The following PCTP variants were observed in gnomAD, a reference collection of about 807,000 sequenced individuals.
The protein encoded by PCTP is phosphatidylcholine transfer protein.
A neutral mutation model predicts 31.0 loss-of-function variants in PCTP; 27 were observed. The ratio of observed to expected loss-of-function variants is 0.87; its 90% confidence interval spans 0.64 to 1.20. PCTP has a LOEUF of 1.20. Among genes scored for constraint, PCTP ranks in the 50% most tolerant of loss-of-function variants. The pLI, the probability that PCTP is intolerant of heterozygous loss-of-function variation, is 0.00. For missense variants in PCTP, 287 were observed against 268.2 expected, an observed-to-expected ratio of 1.07 and a Z score of -0.49; for synonymous variants, 108 against 101.2, an observed-to-expected ratio of 1.07 and a Z score of -0.40.
At chr17:55,825,282 G>T (rs1280092072), downstream of PCTP, among the ~76,000 whole-genome samples, 2 of 152,178 alleles carry the variant, frequency 1.3e-5, no homozygotes, top group Non-Finnish European at 2.9e-5. Context: ...AATTTTGTGA[G>T]TCTCTAAGTC....
intron 3 of PCTP, among the ~76,000 whole-genome samples, chr17:55,798,523 A>G (rs1416899300): frequency 6.6e-6 from 1 of 151,998 alleles, no homozygotes; most frequent in Non-Finnish European, 1.5e-5. Flanking sequence ...AAGAATCCTA[A>G]AAGTTACAGC....
chr17:55,803,219 C>T (rs181114195), intron 3 of PCTP, among the ~76,000 whole-genome samples: 3 of 152,208 alleles, frequency 2.0e-5, no homozygotes. Flanking sequence ...AGGACATAAA[C>T]AAATGGAAAA....
At chr17:55,851,722 A>G in the PCTP span, among the ~76,000 whole-genome samples, 2 of 152,188 alleles carry the variant, frequency 1.3e-5, no homozygotes, top group African/African-American at 2.4e-5. Flanking sequence ...TTTTCTGACT[A>G]TGTTTTTAAT....
chr17:55,806,618 A>G (rs978396547), intron 3 of PCTP, among the ~76,000 whole-genome samples: 1 of 152,140 alleles, frequency 6.6e-6, no homozygotes, highest in African/African-American at 2.4e-5. Context: ...AATTCTCTCA[A>G]GTTTCAAGTG....
chr17:55,813,653 G>C (rs1405763757), intron 3 of PCTP, among the ~76,000 whole-genome samples: 1 of 152,158 alleles, frequency 6.6e-6, no homozygotes, highest in African/African-American at 2.4e-5. Flanking sequence ...TCCACTTGTA[G>C]AATACAGCAT....
intron 3 of PCTP, among the ~76,000 whole-genome samples, chr17:55,788,015 A>G (rs1420421577): frequency 3.9e-5 from 6 of 152,154 alleles, no homozygotes; most frequent in Admixed American, 3.3e-4. Context: ...TTTTCTATCA[A>G]TGCTGTCTAA....
downstream of PCTP, among the ~76,000 whole-genome samples, chr17:55,844,900 C>T (rs1906094719): frequency 6.6e-6 from 1 of 151,458 alleles, no homozygotes; most frequent in Admixed American, 6.6e-5. Flanking sequence ...CCAGCCTGAC[C>T]AACATGGTGA....
intron 5 of PCTP, chr17:55,775,395 G>T (rs1911273436): frequency 8.1e-7 from 1 of 1,231,978 alleles, no homozygotes. Flanking sequence ...CTTTGCACAA[G>T]ATCTACTACT....
In PCTP at chr17:55,777,293, A is replaced by G; in HGVS notation, c.*1193A>G. On this transcript the variant is annotated 3_prime_UTR_variant, in exon 6 of 6. Coordinates refer to ENST00000268896, the MANE Select transcript of PCTP (RefSeq NM_021213.4). ...GTAAAGCCACAGAATGGGATTTATTAATGTGGGATACCTCAGACTGTTTGT... is the reference window on the plus strand; with the variant it reads ...GTAAAGCCACAGAATGGGATTTATTGATGTGGGATACCTCAGACTGTTTGT... 1 of 984,440 alleles carries G rather than the reference A, an allele frequency of 1.0e-6. No individual in the cohort carries two copies. The highest frequency in any genetic ancestry group is 1.1e-4 in the East Asian group (1 of 8,810). The allele number at this position is 984,440 out of a possible 1,614,324, so 61.0% of individuals were successfully genotyped here.
chr17:55,822,275 G>A (rs1913138689), intron 3 of PCTP, among the ~76,000 whole-genome samples: 1 of 152,194 alleles, frequency 6.6e-6, no homozygotes, highest in Non-Finnish European at 1.5e-5. Context: ...CAGTAATTAA[G>A]GGGAAAGGGG....
chr17:55,800,104 A>G (rs1171851805), intron 3 of PCTP, among the ~76,000 whole-genome samples: 4 of 151,932 alleles, frequency 2.6e-5, no homozygotes, highest in African/African-American at 9.7e-5. Context: ...TATTTCCTGA[A>G]TTTGAATATT....
the PCTP span, among the ~76,000 whole-genome samples, chr17:55,851,388 T>C: frequency 1.3e-5 from 2 of 152,172 alleles, no homozygotes; most frequent in African/African-American, 2.4e-5. Context: ...AAATGGACTA[T>C]GGAGGTTGTC....
downstream of PCTP, among the ~76,000 whole-genome samples, chr17:55,847,036 A>G (rs1906166925): frequency 6.6e-6 from 1 of 152,184 alleles, no homozygotes; most frequent in Non-Finnish European, 1.5e-5. Context: ...AGTGATTGCC[A>G]TGTAGTAGCC....
exon 4 of PCTP, chr17:55,823,028 G>T (rs995687047): frequency 5.6e-6 from 2 of 354,698 alleles, no homozygotes; most frequent in Non-Finnish European, 1.0e-5. Flanking sequence ...ATTCACAGAT[G>T]TGTTCACTAT....
intron 2 of PCTP, among the ~76,000 whole-genome samples, chr17:55,783,312 G>A (rs991237474): frequency 1.3e-5 from 2 of 152,164 alleles, no homozygotes; most frequent in African/African-American, 4.8e-5. Context: ...AGGGAGAGAG[G>A]CTGGAGGCAA....
intron 1 of PCTP, among the ~76,000 whole-genome samples, chr17:55,754,574 C>A (rs947113771): frequency 2.0e-5 from 3 of 152,126 alleles, no homozygotes; most frequent in African/African-American, 7.2e-5. Flanking sequence ...GAAGCATGGA[C>A]AACAGTGTTG....
chr17:55,830,048 C>G (rs8076050), intron 5 of PCTP, among the ~76,000 whole-genome samples: 16,944 of 152,218 alleles, frequency 0.11, 1,216 homozygotes, highest in East Asian at 0.35. Context: ...ATTTATATTA[C>G]TTGAATTCTG....
chr17:55,789,553 C>T (rs1053388503), intron 3 of PCTP, among the ~76,000 whole-genome samples: 3 of 152,084 alleles, frequency 2.0e-5, no homozygotes, highest in African/African-American at 7.2e-5. Context: ...TCCATTTTTG[C>T]GAAAATCCTG....
chr17:55,786,956 A>G (rs1284920435), intron 2 of PCTP, among the ~76,000 whole-genome samples: 2 of 151,992 alleles, frequency 1.3e-5, no homozygotes, highest in African/African-American at 4.8e-5. Flanking sequence ...GAGAAAATAC[A>G]TCTCAAGGCA....
Sources: allele counts gnomAD v4.1 joint callset (sites outside exome capture counted in the v4.1 genomes callset), GRCh38; gene constraint gnomAD v4.1.1; transcripts MANE v1.5; gene names NCBI Gene and HGNC (gene_info 2026-07-23, HGNC 2026-07-21).